The following MRPS35 variants were observed in gnomAD, a reference collection of about 807,000 sequenced individuals.
The protein encoded by MRPS35 is mitochondrial ribosomal protein S35, also known as small ribosomal subunit protein mS35.
In MRPS35, 29 loss-of-function variants were observed where a neutral mutation model predicts 32.7. That is an observed-to-expected ratio of 0.89 (90% CI 0.66 to 1.21). MRPS35 has a LOEUF of 1.21. Ranked by LOEUF, MRPS35 falls within the 50% of genes most tolerant of loss-of-function variation. The pLI, the probability that MRPS35 is intolerant of heterozygous loss-of-function variation, is 0.00. For synonymous variants in MRPS35, 148 were observed against 139.3 expected (o/e 1.06, Z -0.44); for missense variants, 373 against 383.8 (o/e 0.97, Z 0.23).
intron 3 of MRPS35, among the ~76,000 whole-genome samples, 176 bp from the exon 4 acceptor site, chr12:27,719,632 G>A (rs541640245): frequency 2.0e-5 from 3 of 150,326 alleles, no homozygotes; most frequent in African/African-American, 4.9e-5. Flanking sequence ...CGCCACTGCA[G>A]TCCGCAGTCC....
chr12:27,748,199 T>C (rs1380279629), intron 7 of MRPS35, among the ~76,000 whole-genome samples: 1 of 152,190 alleles, frequency 6.6e-6, no homozygotes, highest in African/African-American at 2.4e-5. Flanking sequence ...TCTACGGGGA[T>C]CACAATATTC....
At chr12:27,751,694 C>G (rs2062004706) in intron 7 of MRPS35, among the ~76,000 whole-genome samples, 1 of 152,198 alleles carries the variant, frequency 6.6e-6, no homozygotes, top group Admixed American at 6.5e-5. Flanking sequence ...GTCTCTCTTT[C>G]TCTGGGCACC....
chr12:27,751,125 A>AAG (rs1264272983), intron 7 of MRPS35, among the ~76,000 whole-genome samples: 2 of 144,064 alleles, frequency 1.4e-5, no homozygotes, highest in African/African-American at 5.0e-5. Flanking sequence ...AAAAAAAAAA[A>AAG]AGAAAAGAAA....
chr12:27,739,411 C>T (rs1279788150), intron 7 of MRPS35, among the ~76,000 whole-genome samples: 1 of 152,232 alleles, frequency 6.6e-6, no homozygotes, highest in Non-Finnish European at 1.5e-5. Flanking sequence ...AAACTGCTCA[C>T]AGCTTTTCCT....
At chr12:27,742,549 A>C (rs527599230) in intron 7 of MRPS35, among the ~76,000 whole-genome samples, 6 of 152,296 alleles carry the variant, frequency 3.9e-5, no homozygotes, top group African/African-American at 1.4e-4. Flanking sequence ...GATGAACAGG[A>C]GTATGTGGTA....
chr12:27,714,841 A>ACTATCTT, intron 2 of MRPS35, 21 bp downstream of exon 2: 1 of 1,602,646 alleles, frequency 6.2e-7, no homozygotes, highest in Non-Finnish European at 8.5e-7. Flanking sequence ...CGTATACTCT[A>ACTATCTT]CTATCTTAAT....
At chr12:27,751,631 T>C (rs7316898) in intron 7 of MRPS35, among the ~76,000 whole-genome samples, 113,109 of 152,020 alleles carry the variant, frequency 0.74, 42,464 homozygotes, top group African/African-American at 0.85. Flanking sequence ...TCTGGGCATG[T>C]GCAAGCCGAG....
At chr12:27,753,757 G>A (rs1213908215) in intron 7 of MRPS35, among the ~76,000 whole-genome samples, 1 of 152,138 alleles carries the variant, frequency 6.6e-6, no homozygotes, top group African/African-American at 2.4e-5. Context: ...CTTTGAACCA[G>A]GGTATATTAC....
At position 27,753,293 on chromosome 12, in the gene MRPS35, G is replaced by A. The variant is rs906074443; in HGVS notation, c.703-1888G>A. Among the ~76,000 whole-genome samples, 5 of 152,176 alleles carry A rather than the reference G, an allele frequency of 3.3e-5. No homozygotes were observed. In the East Asian group the frequency reaches 9.6e-4, roughly 29 times the overall value. On this transcript the variant is annotated intron_variant, in intron 7 of 7. Transcript: ENST00000081029. ...TACCCAGTTTGAAGGATTCAAAGGAGAATTTCTTCTCCTAAGTCTCTTCCT... is the reference window on the plus strand; with the variant it reads ...TACCCAGTTTGAAGGATTCAAAGGAAAATTTCTTCTCCTAAGTCTCTTCCT...
intron 7 of MRPS35, among the ~76,000 whole-genome samples, chr12:27,744,625 G>A (rs780267600): frequency 2.0e-5 from 3 of 152,092 alleles, no homozygotes; most frequent in Non-Finnish European, 4.4e-5. Context: ...AACATGAAGC[G>A]TATGTTTTTA....
intron 5 of MRPS35, among the ~76,000 whole-genome samples, chr12:27,729,423 G>T (rs1259550269): frequency 3.9e-5 from 6 of 152,020 alleles, no homozygotes; most frequent in African/African-American, 1.5e-4. Flanking sequence ...AGTAACCATA[G>T]CTTGTTTTTT....
At chr12:27,753,391 G>T (rs1591805006) in intron 7 of MRPS35, among the ~76,000 whole-genome samples, 1 of 152,192 alleles carries the variant, frequency 6.6e-6, no homozygotes, top group Admixed American at 6.5e-5. Flanking sequence ...GTGATCGGTG[G>T]GGCTCCTCTT....
chr12:27,737,757 A>G (rs2061948312), intron 7 of MRPS35, 149 bp downstream of exon 7: 1 of 618,696 alleles, frequency 1.6e-6, no homozygotes, highest in Non-Finnish European at 2.8e-6. Context: ...GGTAGCTTCT[A>G]CTGACTTTAA....
At chr12:27,733,357 T>G (rs1207576324) in intron 5 of MRPS35, among the ~76,000 whole-genome samples, 2 of 152,214 alleles carry the variant, frequency 1.3e-5, no homozygotes, top group Non-Finnish European at 2.9e-5. Flanking sequence ...AGTTTTAAAT[T>G]AATGTGAATG....
At chr12:27,718,355 G>A (rs541054661) in intron 3 of MRPS35, among the ~76,000 whole-genome samples, 6 of 151,992 alleles carry the variant, frequency 3.9e-5, no homozygotes, top group Non-Finnish European at 5.9e-5. Flanking sequence ...TGAACCCAGG[G>A]GGCAGAGGTT....
At chr12:27,739,011 T>G (rs2061953483) in intron 7 of MRPS35, among the ~76,000 whole-genome samples, 2 of 151,874 alleles carry the variant, frequency 1.3e-5, no homozygotes, top group South Asian at 4.2e-4. Context: ...CAGGCTCAAG[T>G]TATTCTTCCC....
intron 4 of MRPS35, among the ~76,000 whole-genome samples, chr12:27,721,874 C>T (rs1427650311): frequency 6.6e-6 from 1 of 151,986 alleles, no homozygotes; most frequent in African/African-American, 2.4e-5. Flanking sequence ...ATTGCTTGAT[C>T]CCAGGAGTTT....
intron 5 of MRPS35, among the ~76,000 whole-genome samples, chr12:27,728,033 C>A (rs1036378929): frequency 2.0e-5 from 3 of 151,982 alleles, no homozygotes; most frequent in Admixed American, 2.0e-4. Context: ...TGAATATTTT[C>A]AATCCACGTT....
At chr12:27,755,120 A>G in intron 7 of MRPS35, 61 bp from the exon 8 acceptor site, 5 of 1,459,176 alleles carry the variant, frequency 3.4e-6, no homozygotes, top group Non-Finnish European at 4.6e-6. Flanking sequence ...GAAGAAACAA[A>G]CAAACATTTG....
Sources: gnomAD v4.1 joint callset for allele counts (sites outside exome capture counted in the v4.1 genomes callset) on GRCh38, gnomAD v4.1.1 for gene constraint, MANE v1.5 for transcripts, NCBI Gene and HGNC (gene_info 2026-07-23, HGNC 2026-07-21) for gene names.